Variants in KMO observed in about 807,000 individuals in gnomAD.
The protein encoded by KMO is kynurenine 3-hydroxylase.
KMO carries 24 observed loss-of-function variants against 57.8 expected under a neutral mutation model. The observed-to-expected ratio is 0.42, with a 90% CI of 0.30 to 0.58. KMO has a LOEUF of 0.58. Among genes scored for constraint, KMO ranks in the 20% least tolerant of loss-of-function variants. The pLI, the probability that KMO is intolerant of heterozygous loss-of-function variation, is 0.22. For synonymous variants in KMO, 210 were observed against 193.6 expected (o/e 1.08, Z -0.70); for missense variants, 483 against 588.2 (o/e 0.82, Z 1.85).
At chr1:241,575,184 A>T (rs887879490) in intron 10 of KMO, among the ~76,000 whole-genome samples, 5 of 151,954 alleles carry the variant, frequency 3.3e-5, no homozygotes, top group African/African-American at 1.2e-4. Context: ...CTAGCTAATG[A>T]TCTATTGATT....
intron 8 of KMO, among the ~76,000 whole-genome samples, chr1:241,565,767 AC>A (rs1662052389): frequency 6.6e-6 from 1 of 152,034 alleles, no homozygotes; most frequent in South Asian, 2.1e-4. Context: ...GACCCTAGAG[AC>A]TTTTTTCCTA....
chr1:241,586,505 G>A (rs957865804), intron 10 of KMO, 174 bp from the exon 11 acceptor site: 16 of 604,686 alleles, frequency 2.6e-5, no homozygotes, highest in African/African-American at 1.1e-4. Context: ...CAGGCCCGAT[G>A]GTCATTTTTA....
In KMO at chr1:241,591,987, T is replaced by G. The variant is rs1188353128; in HGVS notation, c.1295T>G (p.Leu432Arg). ...AAAGGACTCTTTTTCTTGGGATCACTGATAGCCATCAGCAGTACCTACCTA... is the reference window on the plus strand; with the variant it reads ...AAAGGACTCTTTTTCTTGGGATCACGGATAGCCATCAGCAGTACCTACCTA... ...INKGLFFLGS[L>R]IAISSTYLLI... The change falls in exon 15 of 15, where the codon CTG becomes CGG. Residue 432 changes from leucine to arginine, a missense_variant. Physicochemically the swap from Leu to Arg is moderately radical, Grantham distance 102 (BLOSUM62 -2). Transcript: ENST00000366559. 1 of 1,613,904 alleles carries G rather than the reference T, an allele frequency of 6.2e-7. No individual in the cohort carries two copies. The highest frequency in any genetic ancestry group is 8.5e-7 in the Non-Finnish European group (1 of 1,179,918).
chr1:241,575,877 C>A (rs2147973984), intron 10 of KMO, among the ~76,000 whole-genome samples: 1 of 152,092 alleles, frequency 6.6e-6, no homozygotes, highest in South Asian at 2.1e-4. Flanking sequence ...CCCACTATTA[C>A]TGTGTTGCTT....
At chr1:241,552,436 A>C (rs189815591) in intron 4 of KMO, among the ~76,000 whole-genome samples, 1 of 152,288 alleles carries the variant, frequency 6.6e-6, no homozygotes, top group East Asian at 1.9e-4. Flanking sequence ...TAAGAACTGC[A>C]TAAAATTGCT....
At chr1:241,552,519 G>A (rs768937867) in intron 4 of KMO, among the ~76,000 whole-genome samples, 8 of 151,996 alleles carry the variant, frequency 5.3e-5, no homozygotes, top group Non-Finnish European at 7.4e-5. Flanking sequence ...TCACATCCCC[G>A]GGAGCCCACC....
chr1:241,594,679 G>A lies in KMO; in HGVS notation c.*2526G>A. ...AGTCGGAGGCACAGAAGCTGCAAAA[G>A]GGATCTTCGAAACTGGGCAGAGAAA... is the stretch of plus-strand genomic sequence containing the variant. On this transcript the variant is annotated 3_prime_UTR_variant, in exon 15 of 15. Transcript: ENST00000366559. 1 of 1,613,544 alleles carries A rather than the reference G, an allele frequency of 6.2e-7. No individual in the cohort carries two copies. The highest frequency in any genetic ancestry group is 8.5e-7 in the Non-Finnish European group (1 of 1,179,810).
intron 5 of KMO, 135 bp downstream of exon 5, chr1:241,555,795 GTCCT>G: frequency 1.9e-6 from 1 of 515,410 alleles, no homozygotes; most frequent in Non-Finnish European, 3.5e-6. Context: ...ACACTACAAA[GTCCT>G]TCTTGAAGCT....
intron 10 of KMO, among the ~76,000 whole-genome samples, chr1:241,582,840 C>T (rs1172525385): frequency 6.6e-6 from 1 of 152,100 alleles, no homozygotes; most frequent in African/African-American, 2.4e-5. Flanking sequence ...TTGTTGATAT[C>T]TGGGTGTTGA....
At chr1:241,589,312 G>GA (rs377736196) in intron 12 of KMO, among the ~76,000 whole-genome samples, 6 of 150,196 alleles carry the variant, frequency 4.0e-5, no homozygotes, top group Non-Finnish European at 5.9e-5. Flanking sequence ...TTAGTACTTT[G>GA]AAAAAAAAAC....
intron 10 of KMO, among the ~76,000 whole-genome samples, chr1:241,572,070 T>C (rs1412224525): frequency 6.6e-6 from 1 of 151,992 alleles, no homozygotes; most frequent in African/African-American, 2.4e-5. Context: ...TTTCACCATG[T>C]TGGCCAGGAT....
At chr1:241,579,255 G>A (rs962619490) in intron 10 of KMO, among the ~76,000 whole-genome samples, 4 of 152,058 alleles carry the variant, frequency 2.6e-5, no homozygotes, top group Admixed American at 2.6e-4. Context: ...GGTAGCAGTG[G>A]GATTTCTGCT....
At chr1:241,532,533 GTATTA>G (rs1660614409) in intron 1 of KMO, 35 bp downstream of exon 1, 3 of 1,480,992 alleles carry the variant, frequency 2.0e-6, no homozygotes, top group Non-Finnish European at 9.3e-7. Flanking sequence ...ATTGTTGGTG[GTATTA>G]TATTAACTAT....
At position 241,568,354 on chromosome 1, in the gene KMO, T is replaced by C. The variant is rs1662155816; in HGVS notation, c.810-146T>C. On this transcript the variant is annotated intron_variant, in intron 9 of 14. Transcript: ENST00000366559. ...AATGGAATTTTAGGACTGGAAAAACTTCAGTTTTTCCCTTTTCTGTTTTCT... is the reference window on the plus strand; with the variant it reads ...AATGGAATTTTAGGACTGGAAAAACCTCAGTTTTTCCCTTTTCTGTTTTCT... 5.4e-6 allele frequency: 4 copies of C among 736,138 alleles called. No individual in the cohort carries two copies. The Admixed American group carries it at 1.1e-4, about 21-fold the overall frequency. 45.6% of individuals were successfully genotyped at this position (736,138 alleles called of 1,614,324 possible).
At chr1:241,566,684 G>A in intron 9 of KMO, 72 bp downstream of exon 9, 1 of 1,546,626 alleles carries the variant, frequency 6.5e-7, no homozygotes, top group Non-Finnish European at 8.9e-7. Flanking sequence ...TTATGCACCT[G>A]ATTTCAGTTT....
chr1:241,556,022 C>T (rs1477928420), intron 5 of KMO, among the ~76,000 whole-genome samples: 1 of 152,208 alleles, frequency 6.6e-6, no homozygotes, highest in East Asian at 1.9e-4. Flanking sequence ...GAGGTCGAGG[C>T]TACAGTGAGA....
At position 241,594,298 on chromosome 1, in the gene KMO, T is replaced by G; in HGVS notation, c.*2145T>G. The G allele has an allele frequency of 9.6e-7, 1 of 1,039,076 alleles. No individual in the cohort carries two copies. The highest frequency in any genetic ancestry group is 2.4e-5 in the East Asian group (1 of 41,578). 64.4% of individuals were successfully genotyped at this position (1,039,076 alleles called of 1,614,324 possible). A position where few individuals can be genotyped will look rare whatever the true frequency, so the allele number is the denominator to read the frequency against. The stretch of plus-strand genomic sequence containing the variant: ...TGAGGCCCAAGAGCATATGGGCAAT[T>G]CGGATTTCCTGCTGGACCACAAGGT... On this transcript the variant is annotated 3_prime_UTR_variant, in exon 15 of 15. Coordinates refer to ENST00000366559, the MANE Select transcript of KMO (RefSeq NM_003679.5).
chr1:241,592,667 A>G lies in KMO; in HGVS notation c.*514A>G, dbSNP rs929402473. The G allele has an allele frequency of 6.5e-6, 1 of 154,500 alleles. No homozygotes were observed. The highest frequency in any genetic ancestry group is 2.4e-5 in the African/African-American group (1 of 41,368). The allele number at this position is 154,500 out of a possible 1,614,324, so 9.6% of individuals were successfully genotyped here. On this transcript the variant is annotated 3_prime_UTR_variant, in exon 15 of 15. Transcript: ENST00000366559. The stretch of plus-strand genomic sequence containing the variant: ...GGGAGTTCCAGAGACTTACAAAATG[A>G]ACTCATTTTATTTTCCCACCTTCAA...
intron 10 of KMO, among the ~76,000 whole-genome samples, chr1:241,570,741 G>C (rs1305252300): frequency 6.6e-6 from 1 of 151,966 alleles, no homozygotes; most frequent in East Asian, 1.9e-4. Context: ...TGTTCTTTTT[G>C]CTCAGGATGG....
Sources: gnomAD v4.1 joint callset for allele counts (sites outside exome capture counted in the v4.1 genomes callset) on GRCh38, gnomAD v4.1.1 for gene constraint, MANE v1.5 for transcripts, NCBI Gene and HGNC (gene_info 2026-07-23, HGNC 2026-07-21) for gene names.